Variants in SNX29 observed in about 807,000 individuals in gnomAD.
The protein encoded by SNX29 is sorting nexin 29.
In SNX29, 78 loss-of-function variants were observed where a neutral mutation model predicts 102.1. The ratio of observed to expected loss-of-function variants is 0.76; its 90% CI spans 0.64 to 0.92. The LOEUF is 0.92. Among genes scored for constraint, SNX29 ranks in the 40% least tolerant of loss-of-function variants. SNX29 has a pLI of 0.00. For missense variants in SNX29, 1,280 were observed against 1,061.7 expected (o/e 1.21, Z -2.86); for synonymous variants, 580 against 414.5 (o/e 1.40, Z -4.85).
chr16:12,262,531 G>A (rs2078806123), intron 14 of SNX29, among the ~76,000 whole-genome samples: 1 of 152,228 alleles, frequency 6.6e-6, no homozygotes, highest in Non-Finnish European at 1.5e-5. Flanking sequence ...ATCCTAAAAT[G>A]CAGCGATGAC....
At chr16:12,396,852 C>T (rs143185030) in intron 16 of SNX29, among the ~76,000 whole-genome samples, 1 of 152,160 alleles carries the variant, frequency 6.6e-6, no homozygotes, top group Admixed American at 6.5e-5. Context: ...GCAGTTAATA[C>T]GTCTTCATTG....
At chr16:12,150,389 T>C (rs1238543681) in intron 13 of SNX29, among the ~76,000 whole-genome samples, 2 of 152,226 alleles carry the variant, frequency 1.3e-5, no homozygotes, top group Non-Finnish European at 2.9e-5. Context: ...TAGACTTTGC[T>C]ACCAGGGGTT....
At chr16:12,023,557 A>T (rs982999058) in intron 3 of SNX29, among the ~76,000 whole-genome samples, 3 of 151,058 alleles carry the variant, frequency 2.0e-5, no homozygotes, top group Non-Finnish European at 4.4e-5. Flanking sequence ...CAGCCTGGGT[A>T]ACAGAGCAAG....
chr16:12,394,881 C>G (rs938008178), intron 16 of SNX29, among the ~76,000 whole-genome samples: 1 of 152,140 alleles, frequency 6.6e-6, no homozygotes, highest in Non-Finnish European at 1.5e-5. Flanking sequence ...TGTGGAAGAG[C>G]TTTGTGGAGT....
At chr16:12,513,762 C>G (rs1005946820) in intron 19 of SNX29, among the ~76,000 whole-genome samples, 1 of 152,226 alleles carries the variant, frequency 6.6e-6, no homozygotes, top group Non-Finnish European at 1.5e-5. Context: ...GAGGCCACTT[C>G]GTGAAGCTTT....
At chr16:12,090,505 A>G (rs543621938) in intron 11 of SNX29, among the ~76,000 whole-genome samples, 3 of 152,180 alleles carry the variant, frequency 2.0e-5, no homozygotes, top group Non-Finnish European at 4.4e-5. Context: ...CCCCCTTGGG[A>G]CCAATTTTTA....
intron 18 of SNX29, among the ~76,000 whole-genome samples, chr16:12,454,586 C>G (rs1017716819): frequency 6.6e-6 from 1 of 152,024 alleles, no homozygotes; most frequent in Non-Finnish European, 1.5e-5. Flanking sequence ...GAGCGAACAT[C>G]GAAAATAACC....
At chr16:12,284,597 G>C (rs768650932) in intron 15 of SNX29, among the ~76,000 whole-genome samples, 1 of 152,198 alleles carries the variant, frequency 6.6e-6, no homozygotes. Flanking sequence ...GCAATGCTTG[G>C]GAGGCCGTTT....
chr16:12,487,743 C>T (rs2088320719), intron 19 of SNX29, among the ~76,000 whole-genome samples: 1 of 152,198 alleles, frequency 6.6e-6, no homozygotes, highest in Non-Finnish European at 1.5e-5. Flanking sequence ...CCATCCCCCG[C>T]AACTGCTAGG....
At chr16:12,440,400 C>T (rs933231983) in intron 18 of SNX29, among the ~76,000 whole-genome samples, 4 of 152,186 alleles carry the variant, frequency 2.6e-5, no homozygotes, top group Non-Finnish European at 5.9e-5. Flanking sequence ...CACAACCCTT[C>T]CCCTCCTAGC....
In SNX29 at chr16:12,570,782, A is replaced by ATG. The variant is rs151150050; in HGVS notation, c.*2153_*2154insTG. 4.2e-5 allele frequency: 5 copies of ATG among 117,770 alleles called. No homozygotes were observed. Among genetic ancestry groups the ATG allele is most frequent in the African/African-American group, 9.8e-5 (1 of 10,194 alleles). The allele number at this position is 117,770 out of a possible 1,614,324, so 7.3% of individuals were successfully genotyped here. ...ACATTCTGCACATGATAATAATGCA[A>ATG]CAGTCCCCCATTGCTGAGAGATACT... On this transcript the variant is annotated 3_prime_UTR_variant, in exon 21 of 21. Transcript: ENST00000566228.
chr16:12,007,602 C>T (rs933941398), intron 3 of SNX29, among the ~76,000 whole-genome samples: 2 of 152,188 alleles, frequency 1.3e-5, no homozygotes, highest in Non-Finnish European at 2.9e-5. Context: ...TGAGTTGCCT[C>T]CCTTCCTCAC....
At chr16:12,495,401 A>G (rs2088772235) in intron 19 of SNX29, among the ~76,000 whole-genome samples, 2 of 152,058 alleles carry the variant, frequency 1.3e-5, no homozygotes, top group Non-Finnish European at 1.5e-5. Context: ...ACCCGCCTCA[A>G]CTTCCCCAAG....
At chr16:12,080,992 T>C (rs2051846546) in intron 11 of SNX29, among the ~76,000 whole-genome samples, 1 of 152,214 alleles carries the variant, frequency 6.6e-6, no homozygotes, top group East Asian at 1.9e-4. Context: ...TGTAGTTTAC[T>C]TTTAATGATG....
intron 14 of SNX29, among the ~76,000 whole-genome samples, chr16:12,203,676 G>A (rs185245190): frequency 1.9e-3 from 289 of 152,290 alleles, no homozygotes; most frequent in African/African-American, 6.6e-3. Context: ...TCCACAACAG[G>A]GTTGTTCTTG....
At position 12,522,777 on chromosome 16, in the gene SNX29, A is replaced by T. The variant is rs1035863905; in HGVS notation, c.2179-1925A>T. ...TGAGCCAGTTAAACCTCTTTTCTGTATAAATTACCCAGTCTCAGGTAGTTC... is the reference window on the plus strand; with the variant it reads ...TGAGCCAGTTAAACCTCTTTTCTGTTTAAATTACCCAGTCTCAGGTAGTTC... On this transcript the variant is annotated intron_variant, in intron 19 of 20. Transcript: ENST00000566228. Among the ~76,000 whole-genome samples the T allele has an allele frequency of 2.0e-5, 3 of 152,182 alleles. No homozygotes were observed. The South Asian group carries it at 6.2e-4, about 31-fold the overall frequency.
chr16:12,496,848 T>G (rs992709498), intron 19 of SNX29, among the ~76,000 whole-genome samples: 1 of 152,088 alleles, frequency 6.6e-6, no homozygotes, highest in African/African-American at 2.4e-5. Context: ...CTCTGAGCTT[T>G]GAATAATTAA....
intron 16 of SNX29, among the ~76,000 whole-genome samples, chr16:12,380,999 ACCAT>A (rs2083099438): frequency 3.7e-5 from 1 of 27,276 alleles, no homozygotes; most frequent in Non-Finnish European, 6.6e-5. Flanking sequence ...CCACCCACCC[ACCAT>A]CCATCCACCC....
chr16:12,213,902 G>T (rs1596525964), intron 14 of SNX29, among the ~76,000 whole-genome samples: 1 of 152,220 alleles, frequency 6.6e-6, no homozygotes, highest in East Asian at 1.9e-4. Context: ...GCAGCCAGGA[G>T]TCCCTGCTGC....
Sources: allele counts gnomAD v4.1 joint callset (sites outside exome capture counted in the v4.1 genomes callset), GRCh38; gene constraint gnomAD v4.1.1; transcripts MANE v1.5; gene names NCBI Gene and HGNC (gene_info 2026-07-23, HGNC 2026-07-21).